The following WDPCP variants were observed in gnomAD, a reference collection of about 807,000 sequenced individuals.
WDPCP encodes the protein WD repeat-containing and planar cell polarity effector protein fritz homolog.
In WDPCP, 71 loss-of-function variants were observed where a neutral mutation model predicts 93.1. The observed-to-expected ratio is 0.76, with a 90% CI of 0.63 to 0.93. The LOEUF (loss-of-function observed/expected upper bound fraction) is 0.93, where lower values mean the gene tolerates loss of function less well. Among genes scored for constraint, WDPCP ranks in the 40% least tolerant of loss-of-function variants. The pLI, the probability that WDPCP is intolerant of heterozygous loss-of-function variation, is 0.00. For synonymous variants in WDPCP, 315 were observed against 315.0 expected (o/e 1.00, Z 0.00); for missense variants, 844 against 887.4 (o/e 0.95, Z 0.62).
chr2:63,206,294 T>C (rs1193209226), intron 14 of WDPCP, among the ~76,000 whole-genome samples: 1 of 152,190 alleles, frequency 6.6e-6, no homozygotes. Context: ...CTTTTTTTCC[T>C]GTCATTTTTA....
intron 3 of WDPCP, among the ~76,000 whole-genome samples, chr2:63,596,208 T>C (rs893060733): frequency 3.9e-5 from 6 of 152,220 alleles, no homozygotes; most frequent in Admixed American, 6.5e-5. Context: ...TCATAGTCTT[T>C]CTTTTGGTAA....
At chr2:63,747,501 A>G (rs1168615891) in intron 2 of WDPCP, among the ~76,000 whole-genome samples, 1 of 151,562 alleles carries the variant, frequency 6.6e-6, no homozygotes, top group Admixed American at 6.6e-5. Flanking sequence ...TTTTTCCCAT[A>G]TGGATATCTT....
intron 2 of WDPCP, among the ~76,000 whole-genome samples, chr2:63,801,490 G>T (rs1164810275): frequency 6.6e-6 from 1 of 152,174 alleles, no homozygotes; most frequent in Non-Finnish European, 1.5e-5. Flanking sequence ...ATGGAAGGTG[G>T]ACCCAGCGGG....
chr2:63,126,669 T>G (rs1034277686), intron 17 of WDPCP, among the ~76,000 whole-genome samples: 5 of 146,364 alleles, frequency 3.4e-5, no homozygotes, highest in African/African-American at 1.3e-4. Flanking sequence ...GTTTTGTGTT[T>G]TTTTTTTTTT....
intron 2 of WDPCP, among the ~76,000 whole-genome samples, chr2:63,807,294 G>T (rs186472715): frequency 1.6e-4 from 25 of 152,294 alleles, no homozygotes; most frequent in African/African-American, 5.5e-4. Context: ...CTCATGAATG[G>T]CTTAGCGCCA....
chr2:63,740,489 ATGAT>A (rs757130367), intron 2 of WDPCP, among the ~76,000 whole-genome samples: 2 of 152,122 alleles, frequency 1.3e-5, no homozygotes, highest in Non-Finnish European at 2.9e-5. Flanking sequence ...TCTTTAATAA[ATGAT>A]TGGGCTTCGC....
intron 9 of WDPCP, among the ~76,000 whole-genome samples, chr2:63,420,567 T>G (rs1695784660): frequency 6.6e-6 from 1 of 150,874 alleles, no homozygotes; most frequent in South Asian, 2.1e-4. Context: ...AGAAATATCA[T>G]AGATAAAGTT....
At chr2:63,643,801 G>T (rs1265775403) in intron 3 of WDPCP, 1 of 541,584 alleles carries the variant, frequency 1.8e-6, no homozygotes, top group African/African-American at 1.9e-5. Flanking sequence ...TCCAAGCAGG[G>T]TAGGTTACAT....
intron 12 of WDPCP, among the ~76,000 whole-genome samples, chr2:63,325,770 T>C (rs1687486128): frequency 6.6e-6 from 1 of 152,222 alleles, no homozygotes; most frequent in Admixed American, 6.5e-5. Flanking sequence ...AAGTTACCCA[T>C]TTGTTGCCCC....
At chr2:63,727,335 T>TA (rs1289728718) in intron 2 of WDPCP, among the ~76,000 whole-genome samples, 2 of 152,246 alleles carry the variant, frequency 1.3e-5, no homozygotes, top group Non-Finnish European at 2.9e-5. Context: ...TCTGTCCATG[T>TA]ATTGAATCAC....
intron 12 of WDPCP, among the ~76,000 whole-genome samples, chr2:63,325,032 G>T (rs1687425500): frequency 6.6e-6 from 1 of 152,144 alleles, no homozygotes; most frequent in Non-Finnish European, 1.5e-5. Flanking sequence ...TCAGGAGAAA[G>T]CTCCAAAAGC....
chr2:63,356,503 T>C (rs1028758095), intron 12 of WDPCP, among the ~76,000 whole-genome samples: 1 of 152,206 alleles, frequency 6.6e-6, no homozygotes, highest in African/African-American at 2.4e-5. Flanking sequence ...GTGGCACATA[T>C]TCTAAAATCA....
chr2:63,234,572 T>C (rs573592672), intron 14 of WDPCP, among the ~76,000 whole-genome samples: 212 of 152,322 alleles, frequency 1.4e-3, no homozygotes, highest in Middle Eastern at 0.01. Context: ...TTAAAGTACA[T>C]ATAATCAAGA....
chr2:63,455,471 A>T (rs1387419437), intron 6 of WDPCP, among the ~76,000 whole-genome samples: 1 of 151,136 alleles, frequency 6.6e-6, no homozygotes, highest in Non-Finnish European at 1.5e-5. Context: ...AAGTAAAGGG[A>T]TGGAAAAAGA....
chr2:63,372,339 A>T (rs115721097), intron 12 of WDPCP, among the ~76,000 whole-genome samples: 2,349 of 152,174 alleles, frequency 0.015, 62 homozygotes, highest in African/African-American at 0.054. Flanking sequence ...TTACATTTCA[A>T]CATGAGATTT....
chr2:63,171,020 G>T (rs1290550351), intron 15 of WDPCP, among the ~76,000 whole-genome samples: 2 of 151,624 alleles, frequency 1.3e-5, no homozygotes, highest in Non-Finnish European at 2.9e-5. Flanking sequence ...GTATTTCTAT[G>T]TACTACATAA....
chr2:63,816,816 C>T (rs1208429964), intron 1 of WDPCP, among the ~76,000 whole-genome samples: 1 of 152,174 alleles, frequency 6.6e-6, no homozygotes, highest in African/African-American at 2.4e-5. Flanking sequence ...ACTACTGACA[C>T]CCTCAACAAC....
In WDPCP at chr2:63,404,118, A is replaced by G; in HGVS notation, c.1365T>C (p.Gly455=). ...APQVVSQKGE[G]SDIYDLLFLR... ...GGAAGAGGAGATCATAGATATCACT[A>G]CCTTCACCCTTCTGAGAAACAACCT... Residue 455 remains glycine, a synonymous_variant, in exon 10 of 18, where the codon GGT becomes GGC. Transcript: ENST00000272321. The G allele has an allele frequency of 6.2e-7, 1 of 1,614,132 alleles. No individual in the cohort carries two copies. Among genetic ancestry groups the G allele is most frequent in the South Asian group, 1.1e-5 (1 of 91,070 alleles).
intron 1 of WDPCP, among the ~76,000 whole-genome samples, chr2:63,583,260 T>C (rs140645085): frequency 1.6e-3 from 249 of 151,756 alleles, no homozygotes; most frequent in Middle Eastern, 6.8e-3. Flanking sequence ...AATAAGCCAA[T>C]AAAGGAGATA....
Sources: allele counts gnomAD v4.1 joint callset (sites outside exome capture counted in the v4.1 genomes callset), GRCh38; gene constraint gnomAD v4.1.1; transcripts MANE v1.5; gene names NCBI Gene and HGNC (gene_info 2026-07-23, HGNC 2026-07-21).